Variants in FHIP1A observed in about 807,000 individuals in gnomAD.
FHIP1A encodes FHF complex subunit HOOK interacting protein 1A.
A neutral mutation model predicts 88.6 loss-of-function variants in FHIP1A; 61 were observed. The observed-to-expected ratio is 0.69, with a 90% CI of 0.56 to 0.85. The LOEUF (loss-of-function observed/expected upper bound fraction) is 0.85. FHIP1A is among the 40% of genes least tolerant of loss of function. The pLI, the probability that FHIP1A is intolerant of heterozygous loss-of-function variation, is 0.00. For missense variants in FHIP1A, 1,154 were observed against 1,273.5 expected (o/e 0.91, Z 1.43); for synonymous variants, 478 against 496.0 (o/e 0.96, Z 0.48).
intron 1 of FHIP1A, among the ~76,000 whole-genome samples, chr4:151,410,824 TTAGTTCCAG>T (rs1185385354): frequency 6.6e-6 from 1 of 152,272 alleles, no homozygotes; most frequent in Non-Finnish European, 1.5e-5. Flanking sequence ...TGATATCTTT[TTAGTTCCAG>T]TTAATCCCTT....
rs142117690 is a variant in FHIP1A, at chr4:151,651,861, G to C, written c.2551+1269G>C. Among the ~76,000 whole-genome samples, 11 of 152,306 alleles carry C rather than the reference G, an allele frequency of 7.2e-5. No individual in the cohort carries two copies. In the East Asian group the frequency reaches 2.1e-3, roughly 29 times the overall value. ...CAATTAAAGGCTTGCAGTTCTAGTT[G>C]AGATAACATTTCAGTCTGAATGAGT... On this transcript the variant is annotated intron_variant, in intron 11 of 13. Coordinates refer to ENST00000435205, the MANE Select transcript of FHIP1A (RefSeq NM_001109977.3).
chr4:151,499,989 C>T (rs1170194780), intron 3 of FHIP1A, among the ~76,000 whole-genome samples: 2 of 152,174 alleles, frequency 1.3e-5, no homozygotes, highest in African/African-American at 4.8e-5. Flanking sequence ...CACATAGATT[C>T]TACTTTTTTC....
chr4:151,436,303 A>G (rs1432423819), intron 1 of FHIP1A: 1 of 152,194 alleles, frequency 6.6e-6, no homozygotes, highest in Non-Finnish European at 1.5e-5. Context: ...AGAATCTTTT[A>G]TCAGGAACCA....
intron 2 of FHIP1A, among the ~76,000 whole-genome samples, chr4:151,462,847 G>A (rs1394159684): frequency 6.6e-6 from 1 of 152,164 alleles, no homozygotes; most frequent in Non-Finnish European, 1.5e-5. Flanking sequence ...ACAGACAATA[G>A]TCTTTTCTGG....
chr4:151,527,139 T>A (rs1022602868), intron 3 of FHIP1A, among the ~76,000 whole-genome samples: 65 of 152,250 alleles, frequency 4.3e-4, no homozygotes, highest in Admixed American at 4.1e-3. Flanking sequence ...GGGCAGAGGC[T>A]GCAATCTCGG....
chr4:151,508,474 G>A (rs972949268), intron 3 of FHIP1A, among the ~76,000 whole-genome samples: 4 of 152,162 alleles, frequency 2.6e-5, no homozygotes, highest in Admixed American at 2.0e-4. Flanking sequence ...TCAGGAATAC[G>A]TGGCTGTAGG....
chr4:151,618,858 T>C (rs992630221), intron 7 of FHIP1A, among the ~76,000 whole-genome samples: 3 of 152,252 alleles, frequency 2.0e-5, no homozygotes, highest in African/African-American at 7.2e-5. Flanking sequence ...GATGTTTTTC[T>C]CTTCTTTAAA....
intron 11 of FHIP1A, among the ~76,000 whole-genome samples, chr4:151,655,947 GT>G (rs542900146): frequency 5.3e-5 from 8 of 150,878 alleles, no homozygotes; most frequent in South Asian, 4.2e-4. Flanking sequence ...TAAATTATTT[GT>G]TTTTTTTTCC....
chr4:151,415,621 T>C (rs1732863010), intron 1 of FHIP1A, among the ~76,000 whole-genome samples: 1 of 152,244 alleles, frequency 6.6e-6, no homozygotes, highest in Non-Finnish European at 1.5e-5. Context: ...GGTTTGTGAG[T>C]CACTGTTATG....
chr4:151,653,697 G>A (rs1737119046), intron 11 of FHIP1A, among the ~76,000 whole-genome samples: 1 of 152,136 alleles, frequency 6.6e-6, no homozygotes, highest in Admixed American at 6.5e-5. Flanking sequence ...ACTGACCTTA[G>A]GCAGTGGAGC....
intron 7 of FHIP1A, among the ~76,000 whole-genome samples, chr4:151,616,823 C>T (rs967482781): frequency 3.3e-5 from 5 of 152,238 alleles, no homozygotes; most frequent in Non-Finnish European, 5.9e-5. Context: ...TATTGGCTCA[C>T]TGCAACCTCC....
intron 3 of FHIP1A, among the ~76,000 whole-genome samples, chr4:151,498,406 G>A (rs906040530): frequency 2.0e-5 from 3 of 152,164 alleles, no homozygotes; most frequent in Non-Finnish European, 4.4e-5. Flanking sequence ...TAAGGCCTTG[G>A]AAGAGGCGAG....
At chr4:151,518,721 G>T (rs1452753212) in intron 3 of FHIP1A, among the ~76,000 whole-genome samples, 1 of 139,788 alleles carries the variant, frequency 7.2e-6, no homozygotes, top group African/African-American at 2.7e-5. Flanking sequence ...ATGCGGTGGT[G>T]CAATCATGGC....
intron 1 of FHIP1A, among the ~76,000 whole-genome samples, chr4:151,434,665 C>G (rs1733733207): frequency 6.6e-6 from 1 of 152,048 alleles, no homozygotes; most frequent in Admixed American, 6.6e-5. Flanking sequence ...CATTTGGAAA[C>G]TTGGAGTTTA....
chr4:151,488,618 T>C (rs1252217069), intron 3 of FHIP1A, among the ~76,000 whole-genome samples: 1 of 152,258 alleles, frequency 6.6e-6, no homozygotes, highest in Non-Finnish European at 1.5e-5. Context: ...GCATGTGTCT[T>C]TTTGGCAGAA....
intron 1 of FHIP1A, among the ~76,000 whole-genome samples, chr4:151,411,344 T>TTC (rs1561483373): frequency 9.1e-4 from 21 of 23,002 alleles, no homozygotes; most frequent in Non-Finnish European, 8.9e-4. Flanking sequence ...TGAAATTATA[T>TTC]ATATATTTTT....
chr4:151,470,482 C>T (rs868560443), intron 2 of FHIP1A, among the ~76,000 whole-genome samples: 1 of 152,100 alleles, frequency 6.6e-6, no homozygotes, highest in African/African-American at 2.4e-5. Flanking sequence ...TTTCAGTTCC[C>T]TGCTATCGGG....
chr4:151,528,013 C>T (rs1318907399), intron 3 of FHIP1A, among the ~76,000 whole-genome samples: 1 of 152,156 alleles, frequency 6.6e-6, no homozygotes, highest in Admixed American at 6.5e-5. Context: ...CAAGCGTTAT[C>T]TCAGGTATTT....
At chr4:151,526,138 A>G (rs956521882) in intron 3 of FHIP1A, among the ~76,000 whole-genome samples, 13 of 152,218 alleles carry the variant, frequency 8.5e-5, no homozygotes, top group Non-Finnish European at 1.8e-4. Flanking sequence ...ACAAAATGAA[A>G]AGTCTCCCAT....
Sources: allele counts gnomAD v4.1 joint callset (sites outside exome capture counted in the v4.1 genomes callset), GRCh38; gene constraint gnomAD v4.1.1; transcripts MANE v1.5; gene names NCBI Gene and HGNC (gene_info 2026-07-23, HGNC 2026-07-21).